The following BARX2 variants were observed in gnomAD, a reference collection of about 807,000 sequenced individuals.
BARX2 encodes BARX homeobox 2, also known as homeobox protein BarH-like 2.
Under a neutral mutation model 25.5 loss-of-function variants are expected in BARX2, and 11 were observed. The observed-to-expected ratio is 0.43, with a 90% CI of 0.27 to 0.71. The LOEUF is 0.71. BARX2 is among the 30% of genes least tolerant of loss of function. The probability of loss-of-function intolerance (pLI) is 0.19; values close to 1 mark genes in which losing one functional copy is unlikely to be tolerated. For missense variants in BARX2, 360 were observed against 359.9 expected (o/e 1.00, Z 0.00); for synonymous variants, 137 against 149.5 (o/e 0.92, Z 0.61).
At chr11:129,433,237 C>G (rs906352745) in intron 1 of BARX2, among the ~76,000 whole-genome samples, 3 of 152,190 alleles carry the variant, frequency 2.0e-5, no homozygotes, top group East Asian at 1.9e-4. Flanking sequence ...TGGCAACTCT[C>G]TCTCTCATAC....
chr11:129,433,207 C>T (rs1039633281), intron 1 of BARX2, among the ~76,000 whole-genome samples: 1 of 152,166 alleles, frequency 6.6e-6, no homozygotes, highest in African/African-American at 2.4e-5. Flanking sequence ...GTTGCTAAGA[C>T]CAAAACGTCA....
chr11:129,386,265 T>G (rs1445359242), intron 1 of BARX2, among the ~76,000 whole-genome samples: 2 of 152,204 alleles, frequency 1.3e-5, no homozygotes. Context: ...TGCCTCTGAT[T>G]GCACCTTGCT....
At chr11:129,434,908 T>A (rs1014061815) in intron 1 of BARX2, among the ~76,000 whole-genome samples, 1 of 152,188 alleles carries the variant, frequency 6.6e-6, no homozygotes, top group Non-Finnish European at 1.5e-5. Flanking sequence ...TTAACTCTCT[T>A]ACAAAAGAGA....
chr11:129,421,448 T>C (rs1340126779), intron 1 of BARX2, among the ~76,000 whole-genome samples: 1 of 152,268 alleles, frequency 6.6e-6, no homozygotes, highest in Non-Finnish European at 1.5e-5. Context: ...GAATCCTTTT[T>C]GTAACATAGT....
intron 1 of BARX2, among the ~76,000 whole-genome samples, chr11:129,401,262 A>T (rs751710001): frequency 6.6e-6 from 1 of 152,094 alleles, no homozygotes; most frequent in Non-Finnish European, 1.5e-5. Context: ...ATTGTTAGAG[A>T]TGGATATAAG....
intron 1 of BARX2, among the ~76,000 whole-genome samples, chr11:129,427,446 C>T (rs1158762207): frequency 6.6e-6 from 1 of 152,160 alleles, no homozygotes; most frequent in Non-Finnish European, 1.5e-5. Flanking sequence ...GTACATCTTC[C>T]AGGTTATCTG....
intron 3 of BARX2, among the ~76,000 whole-genome samples, chr11:129,450,932 G>T (rs1862390902): frequency 6.6e-6 from 1 of 152,116 alleles, no homozygotes; most frequent in African/African-American, 2.4e-5. Context: ...AATATATAAT[G>T]TTGACCAAAA....
chr11:129,402,046 A>G (rs1156457069), intron 1 of BARX2, among the ~76,000 whole-genome samples: 1 of 150,714 alleles, frequency 6.6e-6, no homozygotes, highest in Non-Finnish European at 1.5e-5. Flanking sequence ...TAAAATAAAT[A>G]TGCAAAAGAC....
At chr11:129,412,848 G>A (rs1250976883) in intron 1 of BARX2, among the ~76,000 whole-genome samples, 1 of 152,194 alleles carries the variant, frequency 6.6e-6, no homozygotes, top group East Asian at 1.9e-4. Context: ...TGCCAATGAT[G>A]TGTCTGGCCC....
At position 129,417,686 on chromosome 11, in the gene BARX2, C is replaced by T. The variant is rs144934736; in HGVS notation, c.188-19065C>T. ...TTGGTTGTTACACTTGGTGTGGGAA[C>T]TGGGTTCTCCGATGCTGACTGCAAG... On this transcript the variant is annotated intron_variant, in intron 1 of 3. Coordinates refer to ENST00000281437, the MANE Select transcript of BARX2 (RefSeq NM_003658.5). Among the ~76,000 whole-genome samples, 724 of 152,316 alleles carry T rather than the reference C, an allele frequency of 4.8e-3. 5 individuals are homozygous for T. The highest frequency in any genetic ancestry group is 0.017 in the African/African-American group (692 of 41,552).
At chr11:129,412,449 G>A (rs1861899921) in intron 1 of BARX2, among the ~76,000 whole-genome samples, 1 of 152,218 alleles carries the variant, frequency 6.6e-6, no homozygotes, top group South Asian at 2.1e-4. Flanking sequence ...GGGCAAGGCA[G>A]TGGTATTAAA....
intron 1 of BARX2, among the ~76,000 whole-genome samples, chr11:129,397,685 G>A (rs1468120611): frequency 6.6e-6 from 1 of 152,186 alleles, no homozygotes. Flanking sequence ...TCGTTCTTGT[G>A]GGAGGCACAG....
At chr11:129,382,960 G>A (rs912249508) in intron 1 of BARX2, among the ~76,000 whole-genome samples, 2 of 152,188 alleles carry the variant, frequency 1.3e-5, no homozygotes, top group African/African-American at 4.8e-5. Flanking sequence ...GCCTGTCGGT[G>A]CCTGCCTCCA....
At chr11:129,401,388 G>T (rs748580235) in intron 1 of BARX2, among the ~76,000 whole-genome samples, 27 of 152,186 alleles carry the variant, frequency 1.8e-4, no homozygotes, top group Non-Finnish European at 3.8e-4. Context: ...GTGAGTCCTG[G>T]AGGAAACCAG....
chr11:129,390,863 TA>T lies in BARX2; in HGVS notation c.187+14643del, dbSNP rs1197042459. On this transcript the variant is annotated intron_variant, in intron 1 of 3. Transcript: ENST00000281437. The surrounding 1 kb of genome is among the most constrained non-coding windows in gnomAD (Gnocchi z 4.3). The stretch of plus-strand genomic sequence containing the variant: ...ACAAAAGATCATGACGACTGTATTA[TA>T]ATACAATAATGGTATTCATGCAGTG... Among the ~76,000 whole-genome samples, 1 of 152,212 alleles carries T rather than the reference TA, an allele frequency of 6.6e-6. No homozygotes were observed. The highest frequency in any genetic ancestry group is 1.9e-4 in the East Asian group (1 of 5,192).
intron 1 of BARX2, among the ~76,000 whole-genome samples, chr11:129,378,495 A>T (rs1861526875): frequency 6.6e-6 from 1 of 151,950 alleles, no homozygotes; most frequent in Admixed American, 6.6e-5. Context: ...CTTATTAATT[A>T]AAAACAACAA....
In BARX2 at chr11:129,436,769, C is replaced by T; in HGVS notation, c.206C>T (p.Ala69Val). 1 of 1,592,316 alleles carries T rather than the reference C, an allele frequency of 6.3e-7. No individual in the cohort carries two copies. The highest frequency in any genetic ancestry group is 8.6e-7 in the Non-Finnish European group (1 of 1,166,714). ...TTTCCAGGCTCCCCTTCCCTGCGGG[C>T]ATATCCGCTCCTCTCGGTGATCACC... ...HSCTGSPSLR[A>V]YPLLSVITRQ... Residue 69 changes from alanine to valine, a missense_variant, in exon 2 of 4, where the codon GCA (alanine) becomes GTA (valine). By Grantham distance (64) the Ala-to-Val change is moderately conservative. Around this residue, in one of 3 missense-constraint regions of BARX2, gnomAD observed 240 missense variants for 228.7 expected, o/e 1.05. Coordinates refer to ENST00000281437, the MANE Select transcript of BARX2 (RefSeq NM_003658.5). The surrounding 1 kb of genome is among the most constrained non-coding windows in gnomAD (Gnocchi z 4.5).
intron 2 of BARX2, among the ~76,000 whole-genome samples, chr11:129,441,638 G>C (rs933188088): frequency 9.3e-5 from 8 of 86,402 alleles, no homozygotes; most frequent in Non-Finnish European, 1.7e-4. Context: ...TAGTAGAGAT[G>C]GGGGTCTCAC....
rs1046843666 is a variant in BARX2 at position 129,376,643 on chromosome 11, T to C, written c.187+421T>C. ...TTAACTTGTCCAGCCTCCTACTGTCTCCACTGTGAATTTTGCAAGTAAATC... is the reference window on the plus strand; with the variant it reads ...TTAACTTGTCCAGCCTCCTACTGTCCCCACTGTGAATTTTGCAAGTAAATC... On this transcript the variant is annotated intron_variant, in intron 1 of 3. Transcript: ENST00000281437. This position sits in a 1 kb window ranked among gnomAD's most constrained non-coding sequence, Gnocchi z 4.2. 6.6e-6 allele frequency among the ~76,000 whole-genome samples: 1 copy of C among 152,218 alleles called. No individual in the cohort carries two copies. The highest frequency in any genetic ancestry group is 2.1e-4 in the South Asian group (1 of 4,828).
Sources: allele counts gnomAD v4.1 joint callset (sites outside exome capture counted in the v4.1 genomes callset), GRCh38; gene constraint gnomAD v4.1.1; regional missense constraint gnomAD v4.1.1; non-coding constraint Gnocchi (gnomAD v3.1); transcripts MANE v1.5; gene names NCBI Gene and HGNC (gene_info 2026-07-23, HGNC 2026-07-21).